The following GRHPR variants were observed in gnomAD, a reference collection of about 807,000 sequenced individuals.
GRHPR encodes glyoxylate and hydroxypyruvate reductase.
In GRHPR, 35 loss-of-function variants were observed where a neutral mutation model predicts 36.8. The observed-to-expected ratio is 0.95, with a 90% CI of 0.73 to 1.26. The LOEUF (loss-of-function observed/expected upper bound fraction) is 1.26, where lower values mean the gene tolerates loss of function less well. Ranked by LOEUF, GRHPR falls within the 50% of genes most tolerant of loss-of-function variation. The pLI, the probability that GRHPR is intolerant of heterozygous loss-of-function variation, is 0.00. For synonymous variants in GRHPR, 179 were observed against 181.0 expected (o/e 0.99, Z 0.09); for missense variants, 380 against 435.0 (o/e 0.87, Z 1.12).
chr9:37,426,305 TAA>T, intron 3 of GRHPR: 2 of 608,518 alleles, frequency 3.3e-6, no homozygotes, highest in Non-Finnish European at 2.9e-6. Context: ...TCAGAAAGGT[TAA>T]GTTACTTGTT....
downstream of GRHPR, chr9:37,438,403 CA>C (rs1441011234): frequency 6.6e-6 from 1 of 152,636 alleles, no homozygotes; most frequent in Admixed American, 6.5e-5. Context: ...CACTGGCCCA[CA>C]AGCTTGCTTC....
At chr9:37,426,218 T>C in intron 3 of GRHPR, 1 of 607,260 alleles carries the variant, frequency 1.6e-6, no homozygotes, top group South Asian at 2.0e-5. Flanking sequence ...TCACATTCAT[T>C]ATCTTTTTTG....
At chr9:37,436,286 T>C (rs149182869) in intron 8 of GRHPR, among the ~76,000 whole-genome samples, 8 of 152,128 alleles carry the variant, frequency 5.3e-5, no homozygotes, top group Non-Finnish European at 8.8e-5. Flanking sequence ...ATTTTTGTAT[T>C]TTTTGTAGAG....
chr9:37,432,479 ACC>A (rs1258347910), intron 8 of GRHPR: 13 of 335,640 alleles, frequency 3.9e-5, no homozygotes, highest in Non-Finnish European at 5.3e-5. Context: ...GGGGTTCGAG[ACC>A]AACCTGGCCG....
chr9:37,436,559 C>G, intron 8 of GRHPR, 102 bp from the exon 9 acceptor site: 1 of 1,289,594 alleles, frequency 7.8e-7, no homozygotes, highest in Non-Finnish European at 1.1e-6. Flanking sequence ...GGTAGTCTCT[C>G]TTTATTCTTC....
At chr9:37,424,231 G>A (rs1822970757) in intron 1 of GRHPR, among the ~76,000 whole-genome samples, 1 of 152,254 alleles carries the variant, frequency 6.6e-6, no homozygotes, top group African/African-American at 2.4e-5. Flanking sequence ...AAGGTGGTCA[G>A]TGCCCTGGGC....
intron 7 of GRHPR, chr9:37,431,097 G>A (rs533392524): frequency 1.9e-5 from 9 of 464,430 alleles, no homozygotes; most frequent in South Asian, 3.2e-5. Flanking sequence ...TCACGTGGTC[G>A]TAGCTCCTCA....
chr9:37,428,923 G>A (rs1433318352), intron 5 of GRHPR: 5 of 401,318 alleles, frequency 1.2e-5, no homozygotes, highest in Non-Finnish European at 9.6e-6. Flanking sequence ...TCCGGCTTGC[G>A]TTCTGGAAGG....
intron 1 of GRHPR, among the ~76,000 whole-genome samples, chr9:37,424,521 C>T (rs575037756): frequency 2.0e-5 from 3 of 152,370 alleles, no homozygotes; most frequent in Middle Eastern, 3.4e-3. Context: ...CACCCTGCCC[C>T]CCACGGGCCT....
chr9:37,435,199 T>C (rs1823583712), intron 8 of GRHPR, among the ~76,000 whole-genome samples: 1 of 152,166 alleles, frequency 6.6e-6, no homozygotes, highest in African/African-American at 2.4e-5. Context: ...TGTAGTAAGC[T>C]GACTATGCCA....
intron 8 of GRHPR, chr9:37,434,193 A>G (rs1823521659): frequency 2.5e-6 from 1 of 399,606 alleles, no homozygotes; most frequent in Admixed American, 4.4e-5. Context: ...TACTGCCAGC[A>G]GGAAGGGAAG....
chr9:37,427,451 C>T (rs1321982474), intron 4 of GRHPR, among the ~76,000 whole-genome samples: 13 of 152,180 alleles, frequency 8.5e-5, no homozygotes, highest in Admixed American at 8.5e-4. Flanking sequence ...TGTGTGGAAT[C>T]TACCACGTGC....
upstream of GRHPR, chr9:37,422,648 G>A (rs969847054): frequency 5.4e-6 from 5 of 920,898 alleles, no homozygotes; most frequent in South Asian, 1.4e-5. Flanking sequence ...CACGCCGCGC[G>A]CGACGTCTCT....
downstream of GRHPR, among the ~76,000 whole-genome samples, chr9:37,437,951 G>A (rs1213489503): frequency 6.6e-6 from 1 of 152,192 alleles, no homozygotes; most frequent in African/African-American, 2.4e-5. Context: ...AAAGGCGGGG[G>A]AAGGCAGAAG....
intron 1 of GRHPR, among the ~76,000 whole-genome samples, chr9:37,423,071 A>T (rs1292337502): frequency 3.9e-5 from 6 of 152,018 alleles, no homozygotes. Flanking sequence ...ACGCTCCCAC[A>T]GGACATGTGG....
At position 37,424,982 on chromosome 9, in the gene GRHPR, A is replaced by C; in HGVS notation, c.214+7A>C. ...AGGATCCTGGATGCTGCAGGTGCAC[A>C]CTGGGTGGGCAGGGGACTTGAGGGT... On this transcript the variant is annotated splice_region_variant and intron_variant, in intron 2 of 8. Coordinates refer to ENST00000318158, the MANE Select transcript of GRHPR (RefSeq NM_012203.2). 11 of 1,611,236 alleles carry C rather than the reference A, an allele frequency of 6.8e-6. No individual in the cohort carries two copies. Among genetic ancestry groups the C allele is most frequent in the Non-Finnish European group, 9.3e-6 (11 of 1,179,520 alleles).
At chr9:37,431,478 TAGA>T (rs763931444) in intron 7 of GRHPR, 3 of 235,940 alleles carry the variant, frequency 1.3e-5, no homozygotes, top group East Asian at 1.1e-4. Context: ...ATACAGTCTC[TAGA>T]AGATGACTTC....
At chr9:37,436,461 GCCCTTCA>G (rs1400215940) in intron 8 of GRHPR, among the ~76,000 whole-genome samples, 193 bp from the exon 9 acceptor site, 1 of 152,158 alleles carries the variant, frequency 6.6e-6, no homozygotes, top group Non-Finnish European at 1.5e-5. Flanking sequence ...TAGCCTGGAG[GCCCTTCA>G]CTCTGTTAGT....
At chr9:37,432,412 G>T in intron 8 of GRHPR, 1 of 383,814 alleles carries the variant, frequency 2.6e-6, no homozygotes, top group Non-Finnish European at 5.1e-6. Context: ...AGGCGTGGTG[G>T]CTCATGCCTG....
Sources: allele counts gnomAD v4.1 joint callset (sites outside exome capture counted in the v4.1 genomes callset), GRCh38; gene constraint gnomAD v4.1.1; transcripts MANE v1.5; gene names NCBI Gene and HGNC (gene_info 2026-07-23, HGNC 2026-07-21).